Variants in CELF2 observed in about 807,000 individuals in gnomAD.
CELF2 encodes CUG triplet repeat RNA-binding protein 2.
A neutral mutation model predicts 62.6 loss-of-function variants in CELF2; 8 were observed. That is an observed-to-expected ratio of 0.13 (90% CI 0.07 to 0.23). CELF2 has a LOEUF of 0.23. Ranked by LOEUF, CELF2 falls within the 10% of genes least tolerant of loss-of-function variation. The probability of loss-of-function intolerance (pLI) is 1.00; values close to 1 mark genes in which losing one functional copy is unlikely to be tolerated. For missense variants in CELF2, 333 were observed against 671.0 expected (o/e 0.50, Z 5.56); for synonymous variants, 258 against 250.0 (o/e 1.03, Z -0.30).
chr10:10,698,734 C>A, the CELF2 span, among the ~76,000 whole-genome samples: 1 of 152,136 alleles, frequency 6.6e-6, no homozygotes, highest in Non-Finnish European at 1.5e-5. Flanking sequence ...GATTTGTTAT[C>A]ACAAACAAAT....
At chr10:11,259,469 G>A (rs2079817217) in intron 5 of CELF2, among the ~76,000 whole-genome samples, 1 of 149,618 alleles carries the variant, frequency 6.7e-6, no homozygotes, top group Non-Finnish European at 1.5e-5. Context: ...ATCAGTTTAT[G>A]CATTCTCTAA....
upstream of CELF2, among the ~76,000 whole-genome samples, chr10:11,017,090 AAAATT>A (rs1301296398): frequency 2.6e-5 from 4 of 152,222 alleles, no homozygotes; most frequent in Non-Finnish European, 5.9e-5. The surrounding 1 kb of genome is among the most constrained non-coding windows in gnomAD (Gnocchi z 5.5). Flanking sequence ...AAATCACTTA[AAAATT>A]AAACTCGCCA....
Position 11,314,496 on chromosome 10 carries a change from T to A in CELF2, c.1096+238T>A. 1.8e-6 allele frequency: 1 copy of A among 571,108 alleles called. No individual in the cohort carries two copies. The highest frequency in any genetic ancestry group is 3.2e-6 in the Non-Finnish European group (1 of 311,860). 35.4% of individuals were successfully genotyped at this position (571,108 alleles called of 1,614,324 possible). On this transcript the variant is annotated intron_variant, in intron 10 of 12. Coordinates refer to ENST00000633077, the MANE Select transcript of CELF2 (RefSeq NM_001326342.2). The surrounding 1 kb of genome is among the most constrained non-coding windows in gnomAD (Gnocchi z 5.3). The stretch of plus-strand genomic sequence containing the variant: ...TCAGTGTGTAGCACAGCGCGTGTGC[T>A]CATCCATGGGGTTCTGTGGCTGGCA...
At chr10:10,884,495 T>C (rs1009930991) in intron 1 of CELF2, among the ~76,000 whole-genome samples, 1 of 152,230 alleles carries the variant, frequency 6.6e-6, no homozygotes, top group Non-Finnish European at 1.5e-5. Flanking sequence ...ATTTCCCTAA[T>C]TTTTTATTTC....
chr10:11,106,838 T>C (rs2053624695), intron 1 of CELF2, among the ~76,000 whole-genome samples: 1 of 152,162 alleles, frequency 6.6e-6, no homozygotes, highest in South Asian at 2.1e-4. Flanking sequence ...GTGTAGTCCT[T>C]GGGGACAATG....
At position 11,236,613 on chromosome 10, in the gene CELF2, TGAAAA is replaced by T. The variant is rs1474644169; in HGVS notation, c.355-12536_355-12532del. ...TTCTTGGACCTTTTAATGAGTTATCTGAAAAGAAGAGAATGTGGTTTCATTCGTAT... is the reference window on the plus strand; with the variant it reads ...TTCTTGGACCTTTTAATGAGTTATCTGAAGAGAATGTGGTTTCATTCGTAT... On this transcript the variant is annotated intron_variant, in intron 3 of 12. Coordinates refer to ENST00000633077, the MANE Select transcript of CELF2 (RefSeq NM_001326342.2). Among the ~76,000 whole-genome samples the T allele has an allele frequency of 5.9e-5, 9 of 152,332 alleles. No homozygotes were observed. In the East Asian group the frequency reaches 1.7e-3, roughly 29 times the overall value.
At position 11,095,520 on chromosome 10, in the gene CELF2, C is replaced by T. The variant is rs180887733; in HGVS notation, c.75-69966C>T. Among the ~76,000 whole-genome samples, 16 of 152,286 alleles carry T rather than the reference C, an allele frequency of 1.1e-4. 1 individual carries two copies. The East Asian group carries it at 3.1e-3, about 29-fold the overall frequency. The stretch of plus-strand genomic sequence containing the variant: ...AAGCTAAGAGATGTTTTTAAATCCA[C>T]GACCTGCAGGGGGAGGGCAGCTGAG... On this transcript the variant is annotated intron_variant, in intron 1 of 12. Transcript: ENST00000633077.
intron 1 of CELF2, among the ~76,000 whole-genome samples, chr10:11,095,468 C>T (rs946639880): frequency 1.3e-5 from 2 of 152,182 alleles, no homozygotes; most frequent in African/African-American, 4.8e-5. Context: ...TCTGCAGTAG[C>T]TCGTGAGTTT....
chr10:10,630,348 T>G, the CELF2 span, among the ~76,000 whole-genome samples: 168 of 152,330 alleles, frequency 1.1e-3, no homozygotes, highest in African/African-American at 3.9e-3. Context: ...CTTTTCTTCA[T>G]TGGGGGTTGT....
chr10:10,945,397 T>C (rs1372520539), intron 2 of CELF2, among the ~76,000 whole-genome samples: 1 of 152,156 alleles, frequency 6.6e-6, no homozygotes, highest in African/African-American at 2.4e-5. Flanking sequence ...ATAGGCACCA[T>C]AGCATTTTGT....
chr10:11,000,925 C>A (rs1430905792), upstream of CELF2, among the ~76,000 whole-genome samples: 1 of 152,198 alleles, frequency 6.6e-6, no homozygotes, highest in African/African-American at 2.4e-5. Context: ...TTGCAGACGT[C>A]ACTGCTTTGC....
intron 1 of CELF2, among the ~76,000 whole-genome samples, chr10:10,803,486 G>A (rs2054879829): frequency 6.6e-6 from 1 of 152,154 alleles, no homozygotes; most frequent in Non-Finnish European, 1.5e-5. Flanking sequence ...TTAGCTATTG[G>A]CAGGGTAGAG....
upstream of CELF2, among the ~76,000 whole-genome samples, chr10:11,017,507 G>A (rs1184716029): frequency 1.3e-5 from 2 of 152,160 alleles, no homozygotes; most frequent in African/African-American, 4.8e-5. This position sits in a 1 kb window ranked among gnomAD's most constrained non-coding sequence, Gnocchi z 5.5. Flanking sequence ...TCCTGCCCGG[G>A]CAAGCACACC....
Position 11,270,641 on chromosome 10 carries a change from C to T in CELF2, c.619-25C>T. 7.1e-7 allele frequency: 1 copy of T among 1,407,152 alleles called. No homozygotes were observed. Among genetic ancestry groups the T allele is most frequent in the Non-Finnish European group, 9.4e-7 (1 of 1,068,128 alleles). The allele number at this position is 1,407,152 out of a possible 1,614,324, so 87.2% of individuals were successfully genotyped here. A position where few individuals can be genotyped will look rare whatever the true frequency, so the allele number is the denominator to read the frequency against. On this transcript the variant is annotated intron_variant, in intron 6 of 12. Transcript: ENST00000633077. This position sits in a 1 kb window ranked among gnomAD's most constrained non-coding sequence, Gnocchi z 5.8. Reference sequence around the variant, plus strand: ...TTCCGCCAGCCTGTAACCCCCTCTCCACTTTCCAATGTGTCTGACCACAGG... The same window carrying T: ...TTCCGCCAGCCTGTAACCCCCTCTCTACTTTCCAATGTGTCTGACCACAGG...
intron 1 of CELF2, among the ~76,000 whole-genome samples, chr10:11,047,411 G>T (rs531318556): frequency 1.3e-5 from 2 of 152,150 alleles, no homozygotes; most frequent in East Asian, 1.9e-4. Flanking sequence ...AAATAAACAG[G>T]TATCTTTAAT....
chr10:11,041,899 ATACTTCTTTCTAGAT>A (rs2061908948), intron 1 of CELF2, among the ~76,000 whole-genome samples: 1 of 152,248 alleles, frequency 6.6e-6, no homozygotes, highest in Admixed American at 6.5e-5. Context: ...TATTTGGTGC[ATACTTCTTTCTAGAT>A]TACTGTGATT....
At chr10:10,968,468 A>C (rs1432516267) in intron 2 of CELF2, among the ~76,000 whole-genome samples, 1 of 152,168 alleles carries the variant, frequency 6.6e-6, no homozygotes, top group Non-Finnish European at 1.5e-5. Context: ...CTGTTGTCGA[A>C]ATGGAGAAAT....
rs1564727117 is a variant in CELF2 at position 10,857,648 on chromosome 10, A to AT, written c.53+58831_53+58832insT. Among the ~76,000 whole-genome samples, 19 of 38,806 alleles carry AT rather than the reference A, an allele frequency of 4.9e-4. No individual in the cohort carries two copies. In the East Asian group the frequency reaches 6.0e-3, roughly 12 times the overall value. The allele number at this position is 38,806 out of a possible 152,430, so 25.5% of individuals were successfully genotyped here. On this transcript the variant is annotated intron_variant, in intron 1 of 13. Transcript: ENST00000636488. Reference sequence around the variant, plus strand: ...TATATGTGGTAAACTACATATATATAGTATATATATATATATATATATATA... The same window carrying AT: ...TATATGTGGTAAACTACATATATATATGTATATATATATATATATATATATA...
At chr10:11,204,984 T>C (rs1395333558) in intron 2 of CELF2, among the ~76,000 whole-genome samples, 1 of 152,206 alleles carries the variant, frequency 6.6e-6, no homozygotes, top group East Asian at 1.9e-4. Flanking sequence ...TTAGGGATTT[T>C]TTGCCTCTTG....
Sources: allele counts gnomAD v4.1 joint callset (sites outside exome capture counted in the v4.1 genomes callset), GRCh38; gene constraint gnomAD v4.1.1; non-coding constraint Gnocchi (gnomAD v3.1); transcripts MANE v1.5; gene names NCBI Gene and HGNC (gene_info 2026-07-23, HGNC 2026-07-21).